TEKT3: variants seen among roughly 807,000 people sequenced by gnomAD.
The protein encoded by TEKT3 is tektin 3, also known as tektin-3.
A neutral mutation model predicts 49.8 loss-of-function variants in TEKT3; 49 were observed. The ratio of observed to expected loss-of-function variants is 0.98; its 90% CI spans 0.78 to 1.25. The LOEUF is 1.25. Ranked by LOEUF, TEKT3 falls within the 50% of genes most tolerant of loss-of-function variation. The pLI, the probability that TEKT3 is intolerant of heterozygous loss-of-function variation, is 0.00. For synonymous variants in TEKT3, 225 were observed against 237.2 expected (o/e 0.95, Z 0.47); for missense variants, 595 against 629.5 (o/e 0.95, Z 0.59).
intron 6 of TEKT3, among the ~76,000 whole-genome samples, chr17:15,313,738 A>T (rs1214709397): frequency 6.6e-6 from 1 of 151,912 alleles, no homozygotes; most frequent in African/African-American, 2.4e-5. Flanking sequence ...CGAACTCCTG[A>T]CCTCAACTGA....
In TEKT3 at chr17:15,312,406, G is replaced by C; in HGVS notation, c.954C>G (p.Ser318=). Residue 318 remains serine, a synonymous_variant, in exon 7 of 9, where the codon TCC becomes TCG. Transcript: ENST00000395930. ...ILRSQSERAA[S]AKLRDDIENL... is the part of the protein sequence containing the mutation. ...TTTCAATGTCGTCTCTTAGCTTAGC[G>C]GAAGCTGCCCGTTCACTCTGGGAGC... 1 of 1,614,186 alleles carries C rather than the reference G, an allele frequency of 6.2e-7. No individual in the cohort carries two copies.
intron 4 of TEKT3, among the ~76,000 whole-genome samples, chr17:15,323,086 A>G (rs1006133579): frequency 2.5e-4 from 38 of 152,148 alleles, no homozygotes; most frequent in Admixed American, 6.5e-4. Flanking sequence ...GTGAGAGCCC[A>G]CCCAGATCCT....
Position 15,304,568 on chromosome 17 carries a change from T to A in TEKT3, c.1257-416A>T, listed in dbSNP as rs1033490257. Among the ~76,000 whole-genome samples the A allele has an allele frequency of 6.6e-5, 10 of 152,044 alleles. No individual in the cohort carries two copies. The highest frequency in any genetic ancestry group is 2.6e-4 in the Admixed American group (4 of 15,276). ...TTTCCATCGACACAGGGCCCACATG[T>A]GTTTGTAAGCTGTACCTGCTTATCC... is the stretch of plus-strand genomic sequence containing the variant. On this transcript the variant is annotated intron_variant, in intron 8 of 8. Coordinates refer to ENST00000395930, the MANE Select transcript of TEKT3 (RefSeq NM_031898.3). The surrounding 1 kb of genome is among the most constrained non-coding windows in gnomAD (Gnocchi z 4.7).
intron 8 of TEKT3, among the ~76,000 whole-genome samples, chr17:15,306,089 ATGTGTGTGTGTGTGTG>A (rs58688985): frequency 2.8e-5 from 4 of 144,312 alleles, no homozygotes; most frequent in African/African-American, 1.0e-4. Context: ...ATTTATATAT[ATGTGTGTGTGTGTGTG>A]TGTGTGTGTG....
chr17:15,316,965 C>T (rs924315343), intron 5 of TEKT3, among the ~76,000 whole-genome samples: 1 of 152,076 alleles, frequency 6.6e-6, no homozygotes, highest in Admixed American at 6.6e-5. Flanking sequence ...ACCTTGGCTG[C>T]CCTGTTAGTG....
At chr17:15,342,945 T>C (rs1053460275), upstream of TEKT3, among the ~76,000 whole-genome samples, 23 of 152,376 alleles carry the variant, frequency 1.5e-4, no homozygotes, top group Middle Eastern at 3.4e-3. Flanking sequence ...TCTTTTTTTA[T>C]TACTTTTTTC....
chr17:15,316,661 G>T (rs1232170210), intron 5 of TEKT3, among the ~76,000 whole-genome samples: 1 of 152,200 alleles, frequency 6.6e-6, no homozygotes, highest in Admixed American at 6.5e-5. Flanking sequence ...ATATGCTTCA[G>T]CATCAGACAG....
rs369419104 is a variant in TEKT3, at chr17:15,328,099, A to C, written c.580-24T>G. On this transcript the variant is annotated intron_variant, in intron 3 of 8. Transcript: ENST00000395930. ...ACCTACAGATACACAGATAATGGAA[A>C]GCACTAATAAAAACTGACAATCCAT... is the stretch of plus-strand genomic sequence containing the variant. 3.7e-6 allele frequency: 6 copies of C among 1,600,550 alleles called. No homozygotes were observed. In the East Asian group the frequency reaches 6.7e-5, roughly 18 times the overall value.
chr17:15,321,145 G>T (rs1284970101), intron 4 of TEKT3, among the ~76,000 whole-genome samples: 1 of 151,754 alleles, frequency 6.6e-6, no homozygotes, highest in Non-Finnish European at 1.5e-5. Context: ...GAGTAGCTGG[G>T]ACTACAGGCG....
chr17:15,329,484 C>T (rs1433907203), intron 3 of TEKT3, among the ~76,000 whole-genome samples: 1 of 152,206 alleles, frequency 6.6e-6, no homozygotes, highest in African/African-American at 2.4e-5. Context: ...AGGATATTTT[C>T]AATTCTTAAA....
chr17:15,318,737 A>C (rs781441060), intron 5 of TEKT3, among the ~76,000 whole-genome samples: 2 of 152,092 alleles, frequency 1.3e-5, no homozygotes, highest in Non-Finnish European at 1.5e-5. Flanking sequence ...CAGAGGTCTC[A>C]TTACATTGCC....
chr17:15,315,001 G>A (rs546948990), intron 5 of TEKT3, among the ~76,000 whole-genome samples: 1 of 152,282 alleles, frequency 6.6e-6, no homozygotes, highest in South Asian at 2.1e-4. Flanking sequence ...TAGATGACAG[G>A]TGAGCCACAT....
chr17:15,312,116 T>A, intron 7 of TEKT3, 143 bp downstream of exon 7: 1 of 694,502 alleles, frequency 1.4e-6, no homozygotes, highest in Non-Finnish European at 2.4e-6. Flanking sequence ...GCATGCTTTG[T>A]GCTGTTTTAA....
chr17:15,307,174 C>T (rs1056687121), intron 8 of TEKT3, among the ~76,000 whole-genome samples: 1 of 152,248 alleles, frequency 6.6e-6, no homozygotes, highest in African/African-American at 2.4e-5. Context: ...CTGTGACCTT[C>T]AGTTTCATCC....
chr17:15,325,534 G>A (rs576277449), intron 4 of TEKT3, among the ~76,000 whole-genome samples: 18 of 152,306 alleles, frequency 1.2e-4, no homozygotes, highest in African/African-American at 3.6e-4. Flanking sequence ...CCCCACTGCA[G>A]ATTTGAATCA....
intron 1 of TEKT3, among the ~76,000 whole-genome samples, chr17:15,341,194 G>A (rs1344558893): frequency 6.6e-6 from 1 of 152,180 alleles, no homozygotes; most frequent in East Asian, 1.9e-4. Context: ...AAGGCACAGC[G>A]CTGCTAACGG....
At chr17:15,323,668 A>C (rs1476927604) in intron 4 of TEKT3, among the ~76,000 whole-genome samples, 1 of 152,182 alleles carries the variant, frequency 6.6e-6, no homozygotes, top group Non-Finnish European at 1.5e-5. Flanking sequence ...TATTCTAAAA[A>C]TTAAGACCTA....
chr17:15,317,022 T>G (rs1415105757), intron 5 of TEKT3, among the ~76,000 whole-genome samples: 1 of 152,136 alleles, frequency 6.6e-6, no homozygotes, highest in Non-Finnish European at 1.5e-5. Flanking sequence ...GAGGGTTTCA[T>G]TGCTCCTTCT....
intron 2 of TEKT3, among the ~76,000 whole-genome samples, chr17:15,332,110 G>A (rs940481428): frequency 7.9e-5 from 12 of 151,928 alleles, no homozygotes; most frequent in African/African-American, 9.7e-5. Context: ...ACCTGGTGGC[G>A]GGGGTGGGGG....
Sources: allele counts gnomAD v4.1 joint callset (sites outside exome capture counted in the v4.1 genomes callset), GRCh38; gene constraint gnomAD v4.1.1; non-coding constraint Gnocchi (gnomAD v3.1); transcripts MANE v1.5; gene names NCBI Gene and HGNC (gene_info 2026-07-23, HGNC 2026-07-21).